Variants in RILPL2 observed in about 807,000 individuals in gnomAD.
RILPL2 encodes RILP-like protein 2.
In RILPL2, 19 loss-of-function variants were observed where a neutral mutation model predicts 22.2. That is an observed-to-expected ratio of 0.86 (90% confidence interval 0.60 to 1.25). The LOEUF (loss-of-function observed/expected upper bound fraction) is 1.25. Among genes scored for constraint, RILPL2 ranks in the 50% most tolerant of loss-of-function variants. The probability of loss-of-function intolerance (pLI) is 0.00; values close to 1 mark genes in which losing one functional copy is unlikely to be tolerated. For synonymous variants in RILPL2, 123 were observed against 111.6 expected (o/e 1.10, Z -0.64); for missense variants, 243 against 263.6 (o/e 0.92, Z 0.54).
In RILPL2 at chr12:123,415,597, C is replaced by A; in HGVS notation, c.*294G>T. The A allele has an allele frequency of 2.0e-6, 1 of 509,764 alleles. No individual in the cohort carries two copies. The highest frequency in any genetic ancestry group is 3.5e-6 in the Non-Finnish European group (1 of 281,964). The allele number at this position is 509,764 out of a possible 1,614,324, so 31.6% of individuals were successfully genotyped here. ...AGGACACGCGTCTGCACGCTGGAGG[C>A]CCTGGGGGTTGACATGGGAGCAGGA... On this transcript the variant is annotated 3_prime_UTR_variant, in exon 4 of 4. Transcript: ENST00000280571.
chr12:123,426,328 TAGTATTGACGG>T (rs1332231951), intron 2 of RILPL2, among the ~76,000 whole-genome samples: 1 of 151,986 alleles, frequency 6.6e-6, no homozygotes, highest in Non-Finnish European at 1.5e-5. Context: ...TTTGTATTTT[TAGTATTGACGG>T]AGTTTTGCCA....
intron 2 of RILPL2, among the ~76,000 whole-genome samples, chr12:123,429,811 C>T (rs1188460954): frequency 1.3e-5 from 2 of 151,650 alleles, no homozygotes; most frequent in Non-Finnish European, 2.9e-5. Flanking sequence ...TCTTGTCATT[C>T]TCTTGATCAA....
In RILPL2 at chr12:123,436,035, A is replaced by ACGCCC; in HGVS notation, c.339+42_339+46dup. 2 of 1,539,986 alleles carry ACGCCC rather than the reference A, an allele frequency of 1.3e-6. No individual in the cohort carries two copies. The highest frequency in any genetic ancestry group is 1.8e-6 in the Non-Finnish European group (2 of 1,140,000). ...TCTCCCTGCCAGTAGGTGCCCTCCT[A>ACGCCC]CGCCCCGCAGGCGCCGTGGGCCCGG... On this transcript the variant is annotated intron_variant, in intron 1 of 3. Coordinates refer to ENST00000280571, the MANE Select transcript of RILPL2 (RefSeq NM_145058.3). This position sits in a 1 kb window ranked among gnomAD's most constrained non-coding sequence, Gnocchi z 6.7.
chr12:123,431,110 G>A (rs1879635660), intron 1 of RILPL2, among the ~76,000 whole-genome samples: 1 of 152,120 alleles, frequency 6.6e-6, no homozygotes, highest in Non-Finnish European at 1.5e-5. Flanking sequence ...TCTCACCACA[G>A]CAGCTCTATT....
At chr12:123,421,531 T>A (rs1289168680) in intron 3 of RILPL2, among the ~76,000 whole-genome samples, 1 of 152,108 alleles carries the variant, frequency 6.6e-6, no homozygotes, top group Non-Finnish European at 1.5e-5. Flanking sequence ...GGAAGCTACA[T>A]GCCTGACTGC....
At position 123,415,062 on chromosome 12, in the gene RILPL2, T is replaced by C. The variant is rs1879077530; in HGVS notation, c.*829A>G. On this transcript the variant is annotated 3_prime_UTR_variant, in exon 4 of 4. Coordinates refer to ENST00000280571, the MANE Select transcript of RILPL2 (RefSeq NM_145058.3). ...CATTGAGTAAGCCACTGTTATTTACTAAGAAGACAGGCTCACGGAATGGTT... is the reference window on the plus strand; with the variant it reads ...CATTGAGTAAGCCACTGTTATTTACCAAGAAGACAGGCTCACGGAATGGTT... 6.6e-6 allele frequency: 1 copy of C among 152,130 alleles called. No individual in the cohort carries two copies. Among genetic ancestry groups the C allele is most frequent in the African/African-American group, 2.4e-5 (1 of 41,438 alleles). The allele number at this position is 152,130 out of a possible 1,614,324, so 9.4% of individuals were successfully genotyped here. A position where few individuals can be genotyped will look rare whatever the true frequency, so the allele number is the denominator to read the frequency against.
downstream of RILPL2, chr12:123,413,636 A>G (rs971436540): frequency 2.6e-5 from 4 of 152,266 alleles, no homozygotes; most frequent in Admixed American, 2.6e-4. Flanking sequence ...AAGCTTCCAC[A>G]ATGCGGAAAG....
At chr12:123,424,331 AT>A (rs56046247) in intron 2 of RILPL2, among the ~76,000 whole-genome samples, 6,357 of 135,110 alleles carry the variant, frequency 0.047, 232 homozygotes, top group East Asian at 0.25. Context: ...TAAGAGTTAG[AT>A]TTTTTTTTTT....
intron 3 of RILPL2, among the ~76,000 whole-genome samples, chr12:123,418,756 CTTTTTTTTTTTTTTT>C (rs1202023726): frequency 1.0e-5 from 1 of 96,240 alleles, no homozygotes; most frequent in Non-Finnish European, 2.0e-5. Context: ...CTTTTTCTTT[CTTTTTTTTTTTTTTT>C]TTTTTTTTGA....
chr12:123,429,723 C>T (rs1464182657), intron 2 of RILPL2, among the ~76,000 whole-genome samples: 1 of 151,954 alleles, frequency 6.6e-6, no homozygotes, highest in Non-Finnish European at 1.5e-5. Flanking sequence ...TCTCCTGCCT[C>T]AGCCTCCCGA....
intron 3 of RILPL2, 151 bp downstream of exon 3, chr12:123,422,893 C>T: frequency 1.6e-6 from 1 of 624,422 alleles, no homozygotes; most frequent in Non-Finnish European, 2.9e-6. Context: ...TTATAATACA[C>T]TGGCATTGAG....
downstream of RILPL2, chr12:123,413,010 A>C (rs1158144717): frequency 1.3e-5 from 2 of 152,102 alleles, no homozygotes; most frequent in Non-Finnish European, 2.9e-5. Context: ...CAGCCTGGCC[A>C]ATATGGTGAA....
Position 123,436,457 on chromosome 12 carries a change from C to G in RILPL2, c.-37G>C, listed in dbSNP as rs1879808717. ...CCCCCGCCGACCTCGGAGCTGCTGT[C>G]TTGGAGTCTCCCAAAGGTTAGACTT... On this transcript the variant is annotated 5_prime_UTR_variant, in exon 1 of 4. Coordinates refer to ENST00000280571, the MANE Select transcript of RILPL2 (RefSeq NM_145058.3). This position sits in a 1 kb window ranked among gnomAD's most constrained non-coding sequence, Gnocchi z 6.7. 2 of 1,533,388 alleles carry G rather than the reference C, an allele frequency of 1.3e-6. No homozygotes were observed. Among genetic ancestry groups the G allele is most frequent in the Middle Eastern group, 1.7e-4 (1 of 5,956 alleles). 95.0% of individuals were successfully genotyped at this position (1,533,388 alleles called of 1,614,324 possible).
At chr12:123,427,604 ACATCT>A (rs1879477986) in intron 2 of RILPL2, among the ~76,000 whole-genome samples, 2 of 151,388 alleles carry the variant, frequency 1.3e-5, no homozygotes, top group African/African-American at 4.9e-5. Context: ...GTGCAGTGAC[ACATCT>A]CAGCTCACTG....
intron 2 of RILPL2, among the ~76,000 whole-genome samples, chr12:123,426,464 T>C (rs756875651): frequency 6.6e-6 from 1 of 152,092 alleles, no homozygotes; most frequent in African/African-American, 2.4e-5. Flanking sequence ...TATTTTATTA[T>C]AGATACTTAT....
chr12:123,435,449 T>C (rs1879768700), intron 1 of RILPL2, among the ~76,000 whole-genome samples: 1 of 152,114 alleles, frequency 6.6e-6, no homozygotes, highest in African/African-American at 2.4e-5. Context: ...AGGTAAAATG[T>C]GTTTCTTGTC....
At position 123,436,302 on chromosome 12, in the gene RILPL2, T is replaced by A. The variant is rs1235908525; in HGVS notation, c.119A>T (p.Asp40Val). 6.3e-7 allele frequency: 1 copy of A among 1,593,912 alleles called. No individual in the cohort carries two copies. Among genetic ancestry groups the A allele is most frequent in the Admixed American group, 1.8e-5 (1 of 56,532 alleles). ...GKSPFQLTAE[D>V]VYDISYLLGR... ...CAACAGGTAGGAGATGTCATACACG[T>A]CCTCGGCGGTCAGCTGGAAGGGGCT... The change falls in exon 1 of 4, where the codon GAC (aspartate) becomes GTC (valine). Residue 40 changes from aspartate to valine, a missense_variant. Asp to Val is a radical substitution (Grantham distance 152). Coordinates refer to ENST00000280571, the MANE Select transcript of RILPL2 (RefSeq NM_145058.3). The surrounding 1 kb of genome is among the most constrained non-coding windows in gnomAD (Gnocchi z 6.7).
intron 2 of RILPL2, among the ~76,000 whole-genome samples, chr12:123,423,775 C>A (rs564840400): frequency 6.6e-6 from 1 of 151,630 alleles, no homozygotes; most frequent in Non-Finnish European, 1.5e-5. Context: ...TGCCTCAGCC[C>A]CCCGAGTAGC....
chr12:123,435,851 G>A (rs1274464086), intron 1 of RILPL2, among the ~76,000 whole-genome samples: 1 of 151,780 alleles, frequency 6.6e-6, no homozygotes, highest in Non-Finnish European at 1.5e-5. Context: ...ATTCTGGCCA[G>A]GCAGGGTGGC....
Sources: gnomAD v4.1 joint callset for allele counts (sites outside exome capture counted in the v4.1 genomes callset) on GRCh38, gnomAD v4.1.1 for gene constraint, Gnocchi (gnomAD v3.1) non-coding constraint, MANE v1.5 for transcripts, NCBI Gene and HGNC (gene_info 2026-07-23, HGNC 2026-07-21) for gene names.